Variants in PRKCQ observed in about 807,000 individuals in gnomAD.
PRKCQ encodes the protein protein kinase C theta.
In PRKCQ, 41 loss-of-function variants were observed where a neutral mutation model predicts 91.2. The observed-to-expected ratio is 0.45, with a 90% confidence interval of 0.35 to 0.58. PRKCQ has a LOEUF of 0.58. Among genes scored for constraint, PRKCQ ranks in the 20% least tolerant of loss-of-function variants. The pLI, the probability that PRKCQ is intolerant of heterozygous loss-of-function variation, is 0.00. For missense variants in PRKCQ, 673 were observed against 896.5 expected (o/e 0.75, Z 3.18); for synonymous variants, 307 against 316.9 (o/e 0.97, Z 0.33).
intron 1 of PRKCQ, among the ~76,000 whole-genome samples, chr10:6,536,278 C>T (rs1221824515): frequency 3.3e-5 from 5 of 152,166 alleles, no homozygotes; most frequent in East Asian, 1.9e-4. Flanking sequence ...TGGGCCCAGC[C>T]ACTTGCCACT....
chr10:6,424,974 G>A (rs58460634), downstream of PRKCQ, among the ~76,000 whole-genome samples: 14,074 of 152,234 alleles, frequency 0.092, 2,133 homozygotes, highest in African/African-American at 0.32. Context: ...TGAGAGGACC[G>A]GCATCGAAGA....
intron 15 of PRKCQ, among the ~76,000 whole-genome samples, chr10:6,447,620 C>T (rs1211143754): frequency 6.6e-6 from 1 of 152,138 alleles, no homozygotes; most frequent in African/African-American, 2.4e-5. Context: ...GTGTGTTTTT[C>T]ATGTGTAGCT....
At chr10:6,408,782 C>T in the PRKCQ span, among the ~76,000 whole-genome samples, 5 of 152,212 alleles carry the variant, frequency 3.3e-5, no homozygotes, top group African/African-American at 1.2e-4. Flanking sequence ...TATTTATCCA[C>T]TCAAACGTTT....
chr10:6,476,759 C>T (rs1341276226), intron 12 of PRKCQ, among the ~76,000 whole-genome samples: 1 of 152,180 alleles, frequency 6.6e-6, no homozygotes, highest in Non-Finnish European at 1.5e-5. Context: ...CAGTTTGCTA[C>T]AAGCCTCAAA....
chr10:6,505,894 C>T (rs1209287092), intron 4 of PRKCQ, among the ~76,000 whole-genome samples: 1 of 152,132 alleles, frequency 6.6e-6, no homozygotes, highest in East Asian at 1.9e-4. Flanking sequence ...GATCTGCCCA[C>T]CTCGGCCTCC....
At chr10:6,534,794 A>C (rs1341520165) in intron 1 of PRKCQ, among the ~76,000 whole-genome samples, 8 of 138,754 alleles carry the variant, frequency 5.8e-5, no homozygotes, top group African/African-American at 2.2e-4. Flanking sequence ...ATATATATAG[A>C]TATATATATA....
chr10:6,405,552 C>T, the PRKCQ span, among the ~76,000 whole-genome samples: 23 of 152,242 alleles, frequency 1.5e-4, no homozygotes, highest in African/African-American at 4.3e-4. Context: ...TCCAGCGCCC[C>T]GCAAGTCTTT....
chr10:6,447,562 C>G lies in PRKCQ; in HGVS notation c.1648-5481G>C, dbSNP rs147122433. Among the ~76,000 whole-genome samples, 714 of 152,252 alleles carry G rather than the reference C, an allele frequency of 4.7e-3. 10 individuals carry two copies. The highest frequency in any genetic ancestry group is 0.015 in the African/African-American group (609 of 41,530). ...GGGGCTTTTGAGACGCACTTTAGCT[C>G]TCAGGAGGTGCAGCCTAGTGAGACG... On this transcript the variant is annotated intron_variant, in intron 15 of 17. Transcript: ENST00000263125.
At chr10:6,403,448 T>C in the PRKCQ span, among the ~76,000 whole-genome samples, 7 of 152,210 alleles carry the variant, frequency 4.6e-5, no homozygotes, top group Admixed American at 4.6e-4. Context: ...TCAGCATTCA[T>C]GTCTTCATTC....
intron 1 of PRKCQ, among the ~76,000 whole-genome samples, chr10:6,521,921 T>TTTATTTA (rs776048874): frequency 0.068 from 6,500 of 95,926 alleles, 173 homozygotes; most frequent in Middle Eastern, 0.13. Flanking sequence ...TGTTATGTTA[T>TTTATTTA]GTTATTTATT....
intron 4 of PRKCQ, 21 bp from the exon 5 acceptor site, chr10:6,498,579 A>G: frequency 6.2e-7 from 1 of 1,610,828 alleles, no homozygotes; most frequent in South Asian, 1.1e-5. Context: ...AGAGAGGGGA[A>G]GAAAGTGAAG....
chr10:6,395,054 G>GTTTTTTTT, the PRKCQ span, among the ~76,000 whole-genome samples: 132 of 129,928 alleles, frequency 1.0e-3, 3 homozygotes, highest in South Asian at 1.6e-3. Context: ...GGAAGCTGGA[G>GTTTTTTTT]TCTTTTTTTT....
At chr10:6,501,636 A>G (rs1837918440) in intron 4 of PRKCQ, among the ~76,000 whole-genome samples, 1 of 152,062 alleles carries the variant, frequency 6.6e-6, no homozygotes, top group Non-Finnish European at 1.5e-5. Flanking sequence ...AGCCTGACCA[A>G]TATGGTGAAA....
At chr10:6,570,880 G>T (rs1446730390) in intron 1 of PRKCQ, among the ~76,000 whole-genome samples, 1 of 152,124 alleles carries the variant, frequency 6.6e-6, no homozygotes, top group Non-Finnish European at 1.5e-5. Flanking sequence ...CTTTCGTTGT[G>T]AAAGAAAAGA....
chr10:6,481,711 T>G (rs115878316), intron 11 of PRKCQ, among the ~76,000 whole-genome samples: 1 of 152,186 alleles, frequency 6.6e-6, no homozygotes, highest in African/African-American at 2.4e-5. Flanking sequence ...GGGTAAGACA[T>G]CCTGCCAAAG....
intron 1 of PRKCQ, among the ~76,000 whole-genome samples, chr10:6,531,811 T>G (rs1411149813): frequency 6.6e-6 from 1 of 152,162 alleles, no homozygotes; most frequent in African/African-American, 2.4e-5. Context: ...GTTTTTTGTT[T>G]TTTTGTTTTT....
intron 17 of PRKCQ, among the ~76,000 whole-genome samples, 169 bp from the exon 18 acceptor site, chr10:6,428,531 C>T (rs1386903336): frequency 5.3e-5 from 8 of 152,138 alleles, no homozygotes; most frequent in Admixed American, 2.0e-4. Context: ...TCTCATTGAA[C>T]ATGGCTGTGA....
chr10:6,482,072 C>A (rs1284061353), intron 11 of PRKCQ, among the ~76,000 whole-genome samples: 2 of 151,826 alleles, frequency 1.3e-5, no homozygotes, highest in South Asian at 4.2e-4. Context: ...GACAACCCCC[C>A]ACCTGCATGT....
At chr10:6,487,117 C>T (rs1364088147) in intron 8 of PRKCQ, among the ~76,000 whole-genome samples, 1 of 152,290 alleles carries the variant, frequency 6.6e-6, no homozygotes. Context: ...TTCCAGGCCC[C>T]TGTACCCATG....
Sources: allele counts gnomAD v4.1 joint callset (sites outside exome capture counted in the v4.1 genomes callset), GRCh38; gene constraint gnomAD v4.1.1; transcripts MANE v1.5; gene names NCBI Gene and HGNC (gene_info 2026-07-23, HGNC 2026-07-21).